Variants in NHERF4 observed in about 807,000 individuals in gnomAD.
The protein encoded by NHERF4 is NHERF family PDZ scaffold protein 4.
At chr11:119,186,417 C>A in the NHERF4 span, 13 of 1,590,548 alleles carry the variant, frequency 8.2e-6, no homozygotes, top group African/African-American at 1.7e-4. This position sits in a 1 kb window ranked among gnomAD's most constrained non-coding sequence, Gnocchi z 4.4. Flanking sequence ...AGGCACACGG[C>A]GAACCTGTAC....
the NHERF4 span, chr11:119,185,723 G>T: frequency 3.7e-6 from 3 of 804,084 alleles, no homozygotes; most frequent in Non-Finnish European, 6.3e-6. Flanking sequence ...CCAAGGACTT[G>T]GGGGGAGAGA....
chr11:119,187,158 A>G, the NHERF4 span: 63 of 828,276 alleles, frequency 7.6e-5, no homozygotes, highest in Middle Eastern at 3.5e-4. Flanking sequence ...AAAAAAAAAA[A>G]GAAAAAGAAA....
At chr11:119,190,067 C>A in the NHERF4 span, 1 of 511,964 alleles carries the variant, frequency 2.0e-6, no homozygotes, top group Non-Finnish European at 3.4e-6. The surrounding 1 kb of genome is among the most constrained non-coding windows in gnomAD (Gnocchi z 4.2). Context: ...GAGACCTGGT[C>A]AAATTTATTT....
At chr11:119,189,124 G>T in the NHERF4 span, 2 of 1,613,908 alleles carry the variant, frequency 1.2e-6, no homozygotes, top group African/African-American at 2.7e-5. This position sits in a 1 kb window ranked among gnomAD's most constrained non-coding sequence, Gnocchi z 5.8. Flanking sequence ...AGCTGCCTGA[G>T]GCTGAGCCAC....
chr11:119,185,878 GAGA>G, the NHERF4 span: 1 of 1,613,152 alleles, frequency 6.2e-7, no homozygotes, highest in Non-Finnish European at 8.5e-7. Context: ...CACATCTGGG[GAGA>G]AGAATGTGAC....
chr11:119,189,426 C>T, the NHERF4 span: 2 of 1,612,710 alleles, frequency 1.2e-6, no homozygotes, highest in Non-Finnish European at 1.7e-6. This position sits in a 1 kb window ranked among gnomAD's most constrained non-coding sequence, Gnocchi z 5.8. Context: ...TTCTGGGTCC[C>T]ACCTGGAATG....
the NHERF4 span, chr11:119,185,594 C>A: frequency 7.4e-7 from 1 of 1,353,920 alleles, no homozygotes; most frequent in Non-Finnish European, 1.1e-6. Context: ...GGGACCAGGG[C>A]ACACTTGATT....
chr11:119,188,013 G>A, the NHERF4 span: 2 of 1,564,090 alleles, frequency 1.3e-6, no homozygotes, highest in South Asian at 1.2e-5. Context: ...CGCCAGCTGG[G>A]ATTGCCCCTG....
the NHERF4 span, chr11:119,187,603 G>A: frequency 1.3e-6 from 2 of 1,584,480 alleles, no homozygotes; most frequent in Non-Finnish European, 1.7e-6. Context: ...AGTACTGGAG[G>A]AGCAGCTGAG....
the NHERF4 span, chr11:119,189,342 G>A: frequency 2.0e-6 from 3 of 1,488,198 alleles, no homozygotes; most frequent in South Asian, 3.4e-5. The surrounding 1 kb of genome is among the most constrained non-coding windows in gnomAD (Gnocchi z 5.8). Context: ...GTGGTAGGTG[G>A]GGACAGAAGG....
the NHERF4 span, chr11:119,188,233 T>G: frequency 6.4e-6 from 10 of 1,554,088 alleles, no homozygotes; most frequent in South Asian, 1.2e-4. Flanking sequence ...ACCGAAGAGG[T>G]GTCCCTGTCT....
chr11:119,187,132 C>T, the NHERF4 span: 2 of 702,800 alleles, frequency 2.8e-6, no homozygotes, highest in Non-Finnish European at 4.4e-6. Flanking sequence ...AAGAGCAAAA[C>T]TCCATCTCAA....
chr11:119,187,928 G>T, the NHERF4 span: 1 of 1,540,880 alleles, frequency 6.5e-7, no homozygotes, highest in Non-Finnish European at 8.8e-7. Context: ...ATGCCCTGCT[G>T]GGTCCCCACA....
chr11:119,186,327 C>A, the NHERF4 span: 1 of 1,569,118 alleles, frequency 6.4e-7, no homozygotes, highest in Non-Finnish European at 8.7e-7. This position sits in a 1 kb window ranked among gnomAD's most constrained non-coding sequence, Gnocchi z 4.4. Flanking sequence ...CTGTCCCAGT[C>A]CCTCTGCCCA....
the NHERF4 span, chr11:119,189,180 C>CCTGGATTCCCCCTGGGG: frequency 6.2e-7 from 1 of 1,611,510 alleles, no homozygotes; most frequent in Non-Finnish European, 8.5e-7. This position sits in a 1 kb window ranked among gnomAD's most constrained non-coding sequence, Gnocchi z 5.8. Flanking sequence ...GGCTTGGAAG[C>CCTGGATTCCCCCTGGGG]CTGGATTCCC....
At chr11:119,189,804 T>C in the NHERF4 span, 1 of 471,010 alleles carries the variant, frequency 2.1e-6, no homozygotes, top group African/African-American at 1.9e-5. This position sits in a 1 kb window ranked among gnomAD's most constrained non-coding sequence, Gnocchi z 5.8. Flanking sequence ...ATCTGGACCT[T>C]TTCTAGATAT....
chr11:119,188,742 G>A, the NHERF4 span: 1 of 1,614,194 alleles, frequency 6.2e-7, no homozygotes, highest in Non-Finnish European at 8.5e-7. Context: ...CCCTTCACTT[G>A]AAGACACAAG....
chr11:119,187,631 C>T, the NHERF4 span: 42 of 1,568,248 alleles, frequency 2.7e-5, 2 homozygotes, highest in South Asian at 3.6e-4. Context: ...GGGTGCCCCC[C>T]GGGGCCCGGC....
the NHERF4 span, chr11:119,187,140 C>CA: frequency 0.11 from 54,019 of 502,350 alleles, 8 homozygotes; most frequent in Middle Eastern, 0.11. Context: ...AACTCCATCT[C>CA]AAAAAAAAAA....
Sources: allele counts gnomAD v4.1 joint callset, GRCh38; gene constraint gnomAD v4.1.1; non-coding constraint Gnocchi (gnomAD v3.1); transcripts MANE v1.5; gene names NCBI Gene and HGNC (gene_info 2026-07-23, HGNC 2026-07-21).